The following DISC1 variants were observed in gnomAD, a reference collection of about 807,000 sequenced individuals.
The protein encoded by DISC1 is disrupted in schizophrenia 1 protein.
Under a neutral mutation model 84.5 loss-of-function variants are expected in DISC1, and 57 were observed. The ratio of observed to expected loss-of-function variants is 0.67; its 90% CI spans 0.55 to 0.84. The LOEUF (loss-of-function observed/expected upper bound fraction) is 0.84. Ranked by LOEUF, DISC1 falls within the 40% of genes least tolerant of loss-of-function variation. DISC1 has a pLI of 0.00. For synonymous variants in DISC1, 411 were observed against 415.2 expected (o/e 0.99, Z 0.12); for missense variants, 1,000 against 1,057.8 (o/e 0.95, Z 0.76).
intron 9 of DISC1, among the ~76,000 whole-genome samples, chr1:231,937,556 T>G (rs1024570930): frequency 2.0e-5 from 3 of 152,234 alleles, no homozygotes; most frequent in Non-Finnish European, 2.9e-5. Flanking sequence ...TCACATCTAT[T>G]TGACTGACAA....
At chr1:232,013,015 C>T (rs1384478299) in intron 11 of DISC1, among the ~76,000 whole-genome samples, 1 of 152,128 alleles carries the variant, frequency 6.6e-6, no homozygotes, top group Non-Finnish European at 1.5e-5. Context: ...GGCCCTGGTT[C>T]GTAGATGTTA....
intron 9 of DISC1, among the ~76,000 whole-genome samples, chr1:231,856,764 C>T (rs935097343): frequency 6.6e-6 from 1 of 152,180 alleles, no homozygotes; most frequent in African/African-American, 2.4e-5. Flanking sequence ...CCTGCTGAAC[C>T]TATCATTGGA....
At chr1:232,025,143 A>C (rs1669325867) in intron 11 of DISC1, among the ~76,000 whole-genome samples, 1 of 152,094 alleles carries the variant, frequency 6.6e-6, no homozygotes, top group Non-Finnish European at 1.5e-5. Context: ...ACCTCACTTG[A>C]GTGGACACAG....
chr1:231,700,912 G>A (rs1241937797), intron 2 of DISC1, among the ~76,000 whole-genome samples: 2 of 152,142 alleles, frequency 1.3e-5, no homozygotes, highest in African/African-American at 4.8e-5. Context: ...GGAGGAAGAT[G>A]TTTTTCAGGG....
intron 4 of DISC1, among the ~76,000 whole-genome samples, chr1:231,754,587 A>G (rs1241020062): frequency 6.6e-6 from 1 of 152,206 alleles, no homozygotes; most frequent in African/African-American, 2.4e-5. Context: ...AACATTGGGG[A>G]TTACAATTCA....
At chr1:231,943,395 C>T (rs1490860000) in intron 9 of DISC1, among the ~76,000 whole-genome samples, 1 of 152,248 alleles carries the variant, frequency 6.6e-6, no homozygotes, top group Non-Finnish European at 1.5e-5. Context: ...AAAGGCAAGA[C>T]AACCAGGCTT....
chr1:232,030,894 T>A (rs1157050303), intron 12 of DISC1, among the ~76,000 whole-genome samples: 1 of 152,022 alleles, frequency 6.6e-6, no homozygotes, highest in Non-Finnish European at 1.5e-5. Context: ...GGATGGATTG[T>A]TTGAGACCAG....
At chr1:231,704,224 T>C (rs1028305521) in intron 3 of DISC1, among the ~76,000 whole-genome samples, 1 of 152,148 alleles carries the variant, frequency 6.6e-6, no homozygotes, top group Non-Finnish European at 1.5e-5. Flanking sequence ...TCTGAATGCA[T>C]GGAGGCTATG....
At chr1:232,025,707 C>T (rs899214212) in intron 11 of DISC1, among the ~76,000 whole-genome samples, 2 of 151,742 alleles carry the variant, frequency 1.3e-5, no homozygotes, top group Non-Finnish European at 2.9e-5. Context: ...CGCCATTCTC[C>T]TGCCTCAGCC....
At chr1:231,898,509 C>A (rs1354100281) in intron 9 of DISC1, among the ~76,000 whole-genome samples, 1 of 152,174 alleles carries the variant, frequency 6.6e-6, no homozygotes, top group Admixed American at 6.5e-5. Context: ...GGAGAAAAAC[C>A]TGGACATTTA....
intron 9 of DISC1, among the ~76,000 whole-genome samples, chr1:231,931,595 T>C (rs903781075): frequency 6.6e-6 from 1 of 151,968 alleles, no homozygotes; most frequent in African/African-American, 2.4e-5. Context: ...ATGATGACCC[T>C]ATCATCCTTT....
chr1:231,769,644 G>C (rs961235031), intron 5 of DISC1, among the ~76,000 whole-genome samples: 1 of 152,186 alleles, frequency 6.6e-6, no homozygotes, highest in African/African-American at 2.4e-5. Context: ...AATGGGTACA[G>C]AGTCTCAGTT....
At chr1:231,924,046 T>G (rs1310621023) in intron 9 of DISC1, among the ~76,000 whole-genome samples, 3 of 152,240 alleles carry the variant, frequency 2.0e-5, no homozygotes, top group African/African-American at 7.2e-5. Flanking sequence ...TAAGGGTCGC[T>G]TATTTCAACA....
intron 1 of DISC1, among the ~76,000 whole-genome samples, chr1:231,669,755 G>A (rs752580935): frequency 1.3e-5 from 2 of 152,040 alleles, no homozygotes; most frequent in Non-Finnish European, 2.9e-5. Flanking sequence ...AGAAAAAAAC[G>A]CTTATATGCT....
intron 5 of DISC1, 96 bp downstream of exon 5, chr1:231,767,365 C>A: frequency 6.6e-7 from 1 of 1,520,274 alleles, no homozygotes; most frequent in Non-Finnish European, 8.9e-7. Context: ...GGCAGTGGTG[C>A]AATCATAGCT....
chr1:231,915,686 G>A (rs1479517890), intron 9 of DISC1, among the ~76,000 whole-genome samples: 2 of 152,352 alleles, frequency 1.3e-5, no homozygotes, highest in East Asian at 3.9e-4. Context: ...GCTGAGGCAG[G>A]AGAATCGCTT....
In DISC1 at chr1:231,954,918, C is replaced by G. The variant is rs867392431; in HGVS notation, c.1982-3910C>G. Among the ~76,000 whole-genome samples the G allele has an allele frequency of 7.2e-5, 11 of 152,206 alleles. No individual in the cohort carries two copies. Among genetic ancestry groups the G allele is most frequent in the South Asian group, 2.1e-4 (1 of 4,826 alleles). On this transcript the variant is annotated intron_variant, in intron 9 of 12. Transcript: ENST00000439617. This position sits in a 1 kb window ranked among gnomAD's most constrained non-coding sequence, Gnocchi z 4.8. ...GAAAGTAATAGTTCAACATAGCATTCTCCTTAGATGGCAGCCTCCAGGCAA... is the reference window on the plus strand; with the variant it reads ...GAAAGTAATAGTTCAACATAGCATTGTCCTTAGATGGCAGCCTCCAGGCAA...
rs1408104417 is a variant in DISC1, at chr1:231,826,448, T to C, written c.1981+7931T>C. Among the ~76,000 whole-genome samples the C allele has an allele frequency of 6.6e-6, 1 of 152,176 alleles. No homozygotes were observed. Among genetic ancestry groups the C allele is most frequent in the African/African-American group, 2.4e-5 (1 of 41,418 alleles). ...GAAAAGACGGGTATTTTTTTTTCAT[T>C]TTTGAAGTTTTCAAGCACCCTCCCT... On this transcript the variant is annotated intron_variant, in intron 9 of 12. Transcript: ENST00000439617. The surrounding 1 kb of genome is among the most constrained non-coding windows in gnomAD (Gnocchi z 4.2).
intron 8 of DISC1, among the ~76,000 whole-genome samples, chr1:231,807,296 C>T (rs2079815723): frequency 6.6e-6 from 1 of 152,226 alleles, no homozygotes; most frequent in East Asian, 1.9e-4. Context: ...CCCCTGAGGC[C>T]CGGCGAGTAG....
Sources: allele counts gnomAD v4.1 joint callset (sites outside exome capture counted in the v4.1 genomes callset), GRCh38; gene constraint gnomAD v4.1.1; non-coding constraint Gnocchi (gnomAD v3.1); transcripts MANE v1.5; gene names NCBI Gene and HGNC (gene_info 2026-07-23, HGNC 2026-07-21).